RAI14: variants seen among roughly 807,000 people sequenced by gnomAD.
The protein encoded by RAI14 is retinoic acid induced 14, also known as ankycorbin.
A neutral mutation model predicts 115.4 loss-of-function variants in RAI14; 45 were observed. The ratio of observed to expected loss-of-function variants is 0.39; its 90% CI spans 0.31 to 0.50. The LOEUF (loss-of-function observed/expected upper bound fraction) is 0.50, where lower values mean the gene tolerates loss of function less well. Among genes scored for constraint, RAI14 ranks in the 20% least tolerant of loss-of-function variants. RAI14 has a pLI of 0.85. For missense variants in RAI14, 939 were observed against 1,131.2 expected (o/e 0.83, Z 2.44); for synonymous variants, 371 against 415.4 (o/e 0.89, Z 1.30).
chr5:34,701,140 G>A (rs1740011165), intron 2 of RAI14, among the ~76,000 whole-genome samples: 1 of 152,116 alleles, frequency 6.6e-6, no homozygotes, highest in Non-Finnish European at 1.5e-5. Flanking sequence ...GGTCTGGGGA[G>A]TCATGCCCTA....
At chr5:34,696,316 T>G (rs1739229926) in intron 2 of RAI14, among the ~76,000 whole-genome samples, 1 of 152,052 alleles carries the variant, frequency 6.6e-6, no homozygotes, top group Non-Finnish European at 1.5e-5. Context: ...TTTTTTATTT[T>G]TAGTAGAGAC....
intron 1 of RAI14, chr5:34,658,934 C>CT (rs1344776128): frequency 1.3e-5 from 2 of 152,230 alleles, no homozygotes; most frequent in East Asian, 3.9e-4. Context: ...TCTCCCCCCC[C>CT]GGAAAAATAA....
chr5:34,771,267 G>C (rs1750119802), intron 3 of RAI14, among the ~76,000 whole-genome samples: 1 of 152,198 alleles, frequency 6.6e-6, no homozygotes, highest in Non-Finnish European at 1.5e-5. Flanking sequence ...ATGCTGGTAG[G>C]GTCGTGTATG....
At chr5:34,787,078 G>A (rs1047762421) in intron 3 of RAI14, among the ~76,000 whole-genome samples, 1 of 152,314 alleles carries the variant, frequency 6.6e-6, no homozygotes. Flanking sequence ...TCCGCCCTGG[G>A]TAGGCCAGGT....
intron 2 of RAI14, among the ~76,000 whole-genome samples, chr5:34,725,866 G>A (rs1743377599): frequency 6.6e-6 from 1 of 150,942 alleles, no homozygotes; most frequent in Non-Finnish European, 1.5e-5. Context: ...GGAGGCTGAG[G>A]CAGGAGAATC....
chr5:34,795,089 C>T (rs1471631734), intron 3 of RAI14, among the ~76,000 whole-genome samples: 1 of 152,176 alleles, frequency 6.6e-6, no homozygotes, highest in Admixed American at 6.6e-5. Context: ...GGCCTGACCA[C>T]CCAGTGGAAT....
At chr5:34,688,156 G>A (rs748671518) in intron 2 of RAI14, 15 of 1,540,770 alleles carry the variant, frequency 9.7e-6, no homozygotes, top group South Asian at 6.1e-5. Context: ...CTGGTCATCC[G>A]ACTTCCGAGA....
At chr5:34,828,736 G>GA (rs1308924398) in intron 16 of RAI14, among the ~76,000 whole-genome samples, 1 of 152,100 alleles carries the variant, frequency 6.6e-6, no homozygotes, top group Non-Finnish European at 1.5e-5. Flanking sequence ...CCACTGAGAG[G>GA]AACTGGAGTA....
At position 34,823,961 on chromosome 5, in the gene RAI14, T is replaced by A; in HGVS notation, c.2119T>A (p.Ser707Thr). 1 of 1,614,110 alleles carries A rather than the reference T, an allele frequency of 6.2e-7. No homozygotes were observed. Among genetic ancestry groups the A allele is most frequent in the Non-Finnish European group, 8.5e-7 (1 of 1,179,982 alleles). ...DALSEMKSQY[S>T]KVLNELTQLK... The stretch of plus-strand genomic sequence containing the variant: ...ACTGTCTGAAATGAAGTCTCAGTAT[T>A]CAAAAGTGTTGAATGAGTTGACCCA... Residue 707 changes from serine to threonine, a missense_variant, in exon 15 of 18, where the codon TCA becomes ACA. Transcript: ENST00000265109. This position sits in a 1 kb window ranked among gnomAD's most constrained non-coding sequence, Gnocchi z 4.5.
At chr5:34,800,692 C>G (rs908660396) in intron 4 of RAI14, among the ~76,000 whole-genome samples, 4 of 152,264 alleles carry the variant, frequency 2.6e-5, no homozygotes, top group Middle Eastern at 6.8e-3. Flanking sequence ...ATTTTTGCTT[C>G]TATAGAAACC....
At chr5:34,817,628 T>A (rs1053566043) in intron 12 of RAI14, among the ~76,000 whole-genome samples, 5 of 152,292 alleles carry the variant, frequency 3.3e-5, no homozygotes, top group East Asian at 1.9e-4. Flanking sequence ...TAATGAGATA[T>A]ACCCATATAA....
chr5:34,737,618 G>C (rs1282462515), intron 2 of RAI14, among the ~76,000 whole-genome samples: 2 of 151,884 alleles, frequency 1.3e-5, no homozygotes, highest in East Asian at 1.9e-4. Flanking sequence ...AATTAGCTGG[G>C]CATGGTGGCT....
intron 12 of RAI14, 119 bp from the exon 13 acceptor site, chr5:34,818,678 T>C: frequency 1.6e-6 from 1 of 643,234 alleles, no homozygotes. Flanking sequence ...TCTAGCTGCT[T>C]TTCTAGTAGG....
chr5:34,813,636 A>C lies in RAI14; in HGVS notation c.828A>C (p.Pro276=), dbSNP rs1173937562. The change falls in exon 11 of 18, where the codon CCA becomes CCC. Residue 276 remains proline (P), a synonymous_variant. Coordinates refer to ENST00000265109, the MANE Select transcript of RAI14 (RefSeq NM_015577.3). The part of the protein sequence containing the change: ...RSGTPKKRKA[P]PPPISPTQLS... ...GAACTCCAAAAAAACGCAAAGCTCCACCACCTCCTATCAGTCCTACCCAGG... is the reference window on the plus strand; with the variant it reads ...GAACTCCAAAAAAACGCAAAGCTCCCCCACCTCCTATCAGTCCTACCCAGG... The C allele has an allele frequency of 1.2e-6, 2 of 1,612,876 alleles. No homozygotes were observed. The highest frequency in any genetic ancestry group is 1.7e-6 in the Non-Finnish European group (2 of 1,179,084).
intron 1 of RAI14, chr5:34,684,840 A>G (rs1296329725): frequency 1.3e-5 from 2 of 152,212 alleles, no homozygotes; most frequent in African/African-American, 4.8e-5. Context: ...GGCTTCTGAA[A>G]ACAGTGGTTA....
At chr5:34,673,446 C>T (rs867295720) in intron 1 of RAI14, among the ~76,000 whole-genome samples, 3 of 152,192 alleles carry the variant, frequency 2.0e-5, no homozygotes, top group African/African-American at 4.8e-5. Flanking sequence ...TCTGTAGCTT[C>T]GTGAAGTAAA....
intron 1 of RAI14, among the ~76,000 whole-genome samples, chr5:34,660,967 G>T (rs1742646529): frequency 6.6e-6 from 1 of 152,006 alleles, no homozygotes; most frequent in South Asian, 2.1e-4. Context: ...GTTATGTTGA[G>T]ACACCTCCTT....
intron 2 of RAI14, among the ~76,000 whole-genome samples, chr5:34,694,062 C>T (rs905288393): frequency 5.9e-5 from 9 of 152,202 alleles, no homozygotes; most frequent in Admixed American, 3.9e-4. Context: ...CTATTTACCC[C>T]AGACCATAAT....
Position 34,827,806 on chromosome 5 carries a change from G to C in RAI14, c.2799+1327G>C, listed in dbSNP as rs1757600634. On this transcript the variant is annotated intron_variant, in intron 16 of 17. Transcript: ENST00000265109. The surrounding 1 kb of genome is among the most constrained non-coding windows in gnomAD (Gnocchi z 4.2). ...TTACATCAGTATTATACATGGGGCT[G>C]ATGATATAAAATGAGTAAGACTCAG... is the stretch of plus-strand genomic sequence containing the variant. 6.6e-6 allele frequency among the ~76,000 whole-genome samples: 1 copy of C among 152,200 alleles called. No individual in the cohort carries two copies. The highest frequency in any genetic ancestry group is 1.5e-5 in the Non-Finnish European group (1 of 68,040).
Sources: gnomAD v4.1 joint callset for allele counts (sites outside exome capture counted in the v4.1 genomes callset) on GRCh38, gnomAD v4.1.1 for gene constraint, Gnocchi (gnomAD v3.1) non-coding constraint, MANE v1.5 for transcripts, NCBI Gene and HGNC (gene_info 2026-07-23, HGNC 2026-07-21) for gene names.